COL4A2: variants seen among roughly 807,000 people sequenced by gnomAD.
COL4A2 encodes the protein collagen type IV alpha 2 chain.
In COL4A2, 99 loss-of-function variants were observed where a neutral mutation model predicts 200.2. The ratio of observed to expected loss-of-function variants is 0.49; its 90% confidence interval spans 0.42 to 0.58. The LOEUF (loss-of-function observed/expected upper bound fraction) is 0.58. COL4A2 is among the 20% of genes least tolerant of loss of function. The pLI is 0.00. For missense variants in COL4A2, 1,950 were observed against 2,314.1 expected (o/e 0.84, Z 3.23); for synonymous variants, 897 against 900.6 (o/e 1.00, Z 0.07).
rs1241306437 is a variant in COL4A2, at chr13:110,309,344, C to T, written c.99+1221C>T. Among the ~76,000 whole-genome samples the T allele has an allele frequency of 2.0e-5, 3 of 152,322 alleles. No homozygotes were observed. The South Asian group carries it at 6.2e-4, about 32-fold the overall frequency. On this transcript the variant is annotated intron_variant, in intron 3 of 47. Transcript: ENST00000360467. ...TTCTTCCAGTTCAGGTCTGTCTCTT[C>T]GTCCCAGCCCCGACTTAAGATCAGA...
chr13:110,380,163 C>G (rs926486114), intron 4 of COL4A2, among the ~76,000 whole-genome samples: 1 of 152,202 alleles, frequency 6.6e-6, no homozygotes, highest in Non-Finnish European at 1.5e-5. Context: ...GGCCTCAACC[C>G]AGCTGGGAGT....
intron 4 of COL4A2, among the ~76,000 whole-genome samples, chr13:110,418,146 A>T (rs1880116451): frequency 1.3e-5 from 2 of 152,166 alleles, no homozygotes; most frequent in South Asian, 2.1e-4. Context: ...ACTGAAGTTT[A>T]GCATCTTTTC....
At chr13:110,478,894 A>G (rs912021777) in intron 30 of COL4A2, among the ~76,000 whole-genome samples, 1 of 152,258 alleles carries the variant, frequency 6.6e-6, no homozygotes, top group African/African-American at 2.4e-5. Context: ...GAAACTCTCA[A>G]TCTTACTATA....
intron 3 of COL4A2, among the ~76,000 whole-genome samples, chr13:110,348,058 C>T (rs185134290): frequency 2.0e-5 from 3 of 152,326 alleles, no homozygotes; most frequent in African/African-American, 7.2e-5. Context: ...TAGCCCAACT[C>T]GTTGAACTAC....
At chr13:110,346,602 TG>T (rs66973377) in intron 3 of COL4A2, among the ~76,000 whole-genome samples, 20,216 of 152,242 alleles carry the variant, frequency 0.13, 1,463 homozygotes, top group Middle Eastern at 0.22. Context: ...TGCCCTGTTC[TG>T]TGGCTCCAGT....
intron 46 of COL4A2, 43 bp downstream of exon 46, chr13:110,506,649 G>A: frequency 1.3e-6 from 2 of 1,531,134 alleles, no homozygotes; most frequent in Non-Finnish European, 1.8e-6. Flanking sequence ...CTCAGGGCTG[G>A]CCCGGAAGTG....
At position 110,469,309 on chromosome 13, in the gene COL4A2, T is replaced by C. The variant is rs775703612; in HGVS notation, c.2188T>C (p.Phe730Leu). The change falls in exon 28 of 48, where the codon TTC becomes CTC. Residue 730 changes from phenylalanine (F) to leucine (L), a missense_variant. Physicochemically the swap from Phe to Leu is conservative, Grantham distance 22. Around this residue, in one of 2 missense-constraint regions of COL4A2, gnomAD observed 1,385 missense variants for 1,720.5 expected, o/e 0.80. Coordinates refer to ENST00000360467, the MANE Select transcript of COL4A2 (RefSeq NM_001846.4). ...GCCAGGAGACGCAGGTCGTGAAGGG[T>C]TCCCAGGACCCCCAGGTGAGTTGAG... Reference protein sequence around the residue: ...GLPGDAGREGFPGPPGFIGPR... With the variant: ...GLPGDAGREGLPGPPGFIGPR... 2 of 1,587,886 alleles carry C rather than the reference T, an allele frequency of 1.3e-6. No homozygotes were observed. The highest frequency in any genetic ancestry group is 2.3e-5 in the South Asian group (2 of 86,828).
chr13:110,336,196 C>T (rs568140368), intron 3 of COL4A2, among the ~76,000 whole-genome samples: 166 of 152,272 alleles, frequency 1.1e-3, no homozygotes, highest in African/African-American at 3.9e-3. Flanking sequence ...TAGGCCATTT[C>T]CTCTTTTCCT....
intron 11 of COL4A2, among the ~76,000 whole-genome samples, chr13:110,432,945 T>C (rs1386805632): frequency 6.6e-6 from 1 of 152,260 alleles, no homozygotes; most frequent in Non-Finnish European, 1.5e-5. Flanking sequence ...GGTTCCTTAT[T>C]ATCTGAGAAA....
intron 10 of COL4A2, 40 bp from the exon 11 acceptor site, chr13:110,432,285 G>A: frequency 6.3e-7 from 1 of 1,588,302 alleles, no homozygotes; most frequent in African/African-American, 1.4e-5. Context: ...GGGTCCTGGG[G>A]TAAAGAAAAC....
At chr13:110,464,710 C>A (rs1882163712) in intron 24 of COL4A2, among the ~76,000 whole-genome samples, 1 of 152,162 alleles carries the variant, frequency 6.6e-6, no homozygotes, top group South Asian at 2.1e-4. Context: ...CAGCCTCGTC[C>A]CGTGGCTCAG....
At chr13:110,382,776 C>G (rs1005128036) in intron 4 of COL4A2, among the ~76,000 whole-genome samples, 6 of 152,178 alleles carry the variant, frequency 3.9e-5, no homozygotes, top group African/African-American at 1.4e-4. Flanking sequence ...TAACTTATTT[C>G]CCAAACCACA....
intron 18 of COL4A2, 114 bp from the exon 19 acceptor site, chr13:110,449,565 C>A: frequency 2.1e-6 from 2 of 974,784 alleles, no homozygotes; most frequent in Non-Finnish European, 3.0e-6. Flanking sequence ...CCTCATCAGG[C>A]CGCATACAGC....
chr13:110,359,406 C>T (rs1877423120), intron 4 of COL4A2, among the ~76,000 whole-genome samples: 1 of 152,166 alleles, frequency 6.6e-6, no homozygotes, highest in Admixed American at 6.5e-5. Flanking sequence ...TGTTTTATGA[C>T]ACAGCCTCCT....
rs1409981564 is a variant in COL4A2 at position 110,384,622 on chromosome 13, C to G, written c.180+27070C>G. Among the ~76,000 whole-genome samples, 8 of 152,218 alleles carry G rather than the reference C, an allele frequency of 5.3e-5. No individual in the cohort carries two copies. In the South Asian group the frequency reaches 1.7e-3, roughly 32 times the overall value. ...CCTGGCTGCCGCCTTCATTCTCTAT[C>G]TGACTGTCTCCTGCTCATGCTCAAA... is the stretch of plus-strand genomic sequence containing the variant. On this transcript the variant is annotated intron_variant, in intron 4 of 47. Transcript: ENST00000360467.
chr13:110,389,965 G>A (rs75217575), intron 4 of COL4A2, among the ~76,000 whole-genome samples: 3,680 of 152,024 alleles, frequency 0.024, 126 homozygotes, highest in African/African-American at 0.083. Context: ...TTCGATAATA[G>A]CATTTGACCA....
chr13:110,326,177 A>G (rs1490221777), intron 3 of COL4A2, among the ~76,000 whole-genome samples: 1 of 152,202 alleles, frequency 6.6e-6, no homozygotes, highest in Non-Finnish European at 1.5e-5. Flanking sequence ...GTTCAAATTC[A>G]TCTCCATCAG....
intron 40 of COL4A2, among the ~76,000 whole-genome samples, chr13:110,500,649 A>T (rs887441635): frequency 3.3e-5 from 5 of 152,230 alleles, no homozygotes; most frequent in African/African-American, 1.2e-4. Context: ...ACACTGACTT[A>T]GTGAATACTG....
chr13:110,410,629 CT>C (rs766524012), intron 4 of COL4A2, among the ~76,000 whole-genome samples: 5 of 152,184 alleles, frequency 3.3e-5, no homozygotes, highest in Non-Finnish European at 7.3e-5. Context: ...CTTTCATACC[CT>C]TTTGTTTTCT....
Sources: allele counts gnomAD v4.1 joint callset (sites outside exome capture counted in the v4.1 genomes callset), GRCh38; gene constraint gnomAD v4.1.1; regional missense constraint gnomAD v4.1.1; transcripts MANE v1.5; gene names NCBI Gene and HGNC (gene_info 2026-07-23, HGNC 2026-07-21).